Variants in UNC45A observed in about 807,000 individuals in gnomAD.
The protein encoded by UNC45A is unc-45 myosin chaperone A, also known as protein unc-45 homolog A.
UNC45A carries 78 observed loss-of-function variants against 103.2 expected under a neutral mutation model. The ratio of observed to expected loss-of-function variants is 0.76; its 90% CI spans 0.63 to 0.91. The LOEUF is 0.91. UNC45A is among the 40% of genes least tolerant of loss of function. The probability of loss-of-function intolerance (pLI) is 0.00; values close to 1 mark genes in which losing one functional copy is unlikely to be tolerated. For synonymous variants in UNC45A, 495 were observed against 504.6 expected (o/e 0.98, Z 0.25); for missense variants, 1,193 against 1,224.8 (o/e 0.97, Z 0.39).
At chr15:90,931,612 T>C (rs1290151230), upstream of UNC45A, 5 of 1,614,044 alleles carry the variant, frequency 3.1e-6, no homozygotes, top group South Asian at 5.5e-5. Flanking sequence ...GAATTAAGAA[T>C]GCCCAGGGTT....
rs548551634 is a variant in UNC45A, at chr15:90,950,523, C to A, written c.2211C>A (p.Leu737=). ...AGATCTATGAGGTGGTCCGGCCCCT[C>A]GTCTCCCTGTTGCACCTCAACTGCT... is the stretch of plus-strand genomic sequence containing the variant. ...GERIYEVVRP[L]VSLLHLNCSG... Residue 737 remains leucine, a synonymous_variant, in exon 17 of 20, where the codon CTC becomes CTA. Coordinates refer to ENST00000418476, the MANE Select transcript of UNC45A (RefSeq NM_018671.5). The A allele has an allele frequency of 6.2e-7, 1 of 1,613,976 alleles. No homozygotes were observed. Among genetic ancestry groups the A allele is most frequent in the Non-Finnish European group, 8.5e-7 (1 of 1,180,024 alleles).
intron 6 of UNC45A, among the ~76,000 whole-genome samples, chr15:90,941,756 G>A (rs1485397973): frequency 6.6e-6 from 1 of 151,966 alleles, no homozygotes; most frequent in Non-Finnish European, 1.5e-5. Context: ...TCAGGAGATT[G>A]AGACAATCCT....
In UNC45A at chr15:90,936,324, G is replaced by A. The variant is rs1484793037; in HGVS notation, c.290G>A (p.Arg97Gln). ...GGTGGGGATGTCAAAGCACTCTACC[G>A]GCGGAGCCAAGCCCTAGAGAAGCTG... ...KDGGDVKALY[R>Q]RSQALEKLGR... The change falls in exon 4 of 20, where the codon CGG (arginine) becomes CAG (glutamine). Residue 97 changes from arginine (R) to glutamine (Q), a missense_variant. Physicochemically the swap from Arg to Gln is conservative, Grantham distance 43. Transcript: ENST00000418476. 13 of 1,613,974 alleles carry A rather than the reference G, an allele frequency of 8.1e-6. No homozygotes were observed. The highest frequency in any genetic ancestry group is 1.6e-4 in the Middle Eastern group (1 of 6,084).
chr15:90,934,403 T>C, upstream of UNC45A: 1 of 399,068 alleles, frequency 2.5e-6, no homozygotes. Context: ...ACTACCCTGG[T>C]TTCTTTTGCC....
intron 14 of UNC45A, 25 bp downstream of exon 14, chr15:90,949,468 A>G (rs778011473): frequency 1.9e-6 from 3 of 1,612,168 alleles, no homozygotes; most frequent in Non-Finnish European, 2.5e-6. Context: ...GTAGGAGCCA[A>G]CCTTTCCCAA....
chr15:90,931,454 C>G, upstream of UNC45A: 3 of 1,613,668 alleles, frequency 1.9e-6, no homozygotes, highest in Non-Finnish European at 2.5e-6. Context: ...AAGGAAAGCA[C>G]TGCCTTTTCC....
chr15:90,942,932 G>T lies in UNC45A; in HGVS notation c.877G>T (p.Val293Phe), dbSNP rs1247057416. 1 of 1,611,098 alleles carries T rather than the reference G, an allele frequency of 6.2e-7. No individual in the cohort carries two copies. Among genetic ancestry groups the T allele is most frequent in the Non-Finnish European group, 8.5e-7 (1 of 1,177,934 alleles). ...GCCAGATCCTGCCCGGGAGCTGAAG[G>T]TCCTCATCAGTAACCTCTTAGATCT... ...IIVDPARELK[V>F]LISNLLDLLT... Residue 293 changes from valine (V) to phenylalanine (F), a missense_variant, in exon 8 of 20, where the codon GTC (valine) becomes TTC (phenylalanine). Transcript: ENST00000418476.
At chr15:90,949,910 G>A (rs1227340863) in intron 15 of UNC45A, 190 bp downstream of exon 15, 3 of 690,928 alleles carry the variant, frequency 4.3e-6, no homozygotes, top group Admixed American at 5.2e-5. Context: ...ACTGGTGCCT[G>A]TGAAGGTCCT....
upstream of UNC45A, chr15:90,931,464 C>A: frequency 1.4e-5 from 22 of 1,613,988 alleles, no homozygotes; most frequent in Non-Finnish European, 1.9e-5. Flanking sequence ...CTGCCTTTTC[C>A]CCACTTCCTG....
Position 90,953,765 on chromosome 15 carries a change from C to A in UNC45A, c.*49C>A, listed in dbSNP as rs746970755. 1.9e-6 allele frequency: 3 copies of A among 1,588,538 alleles called. No individual in the cohort carries two copies. The highest frequency in any genetic ancestry group is 2.6e-6 in the Non-Finnish European group (3 of 1,165,084). ...CTCATGCACACGCTACCTATTGTGGCACGGAGAGTAAGGACGGAAGCAGCT... is the reference window on the plus strand; with the variant it reads ...CTCATGCACACGCTACCTATTGTGGAACGGAGAGTAAGGACGGAAGCAGCT... On this transcript the variant is annotated 3_prime_UTR_variant, in exon 20 of 20. Transcript: ENST00000418476.
At chr15:90,946,362 C>G (rs922643652) in intron 9 of UNC45A, among the ~76,000 whole-genome samples, 1 of 151,948 alleles carries the variant, frequency 6.6e-6, no homozygotes, top group East Asian at 1.9e-4. Context: ...GAGCTTAAGT[C>G]CAGGAAGGGA....
At chr15:90,941,723 G>C (rs987193961) in intron 6 of UNC45A, among the ~76,000 whole-genome samples, 3 of 152,094 alleles carry the variant, frequency 2.0e-5, no homozygotes, top group Admixed American at 6.5e-5. Flanking sequence ...ACTTTGGAAG[G>C]CCGAGGCGGG....
chr15:90,934,866 G>A (rs1399350972), upstream of UNC45A: 2 of 422,104 alleles, frequency 4.7e-6, no homozygotes, highest in African/African-American at 4.1e-5. Flanking sequence ...GGACTCCCAG[G>A]GATTCTGTAC....
At position 90,935,305 on chromosome 15, in the gene UNC45A, C is replaced by T; in HGVS notation, c.-20C>T. On this transcript the variant is annotated 5_prime_UTR_variant, in exon 1 of 20. Coordinates refer to ENST00000418476, the MANE Select transcript of UNC45A (RefSeq NM_018671.5). The stretch of plus-strand genomic sequence containing the variant: ...GCCCCAGAGACTGCGCCTGCGCGGG[C>T]ACGAGACAACCTCTCCGCGATGACT... 1 of 1,597,852 alleles carries T rather than the reference C, an allele frequency of 6.3e-7. No homozygotes were observed. The highest frequency in any genetic ancestry group is 8.5e-7 in the Non-Finnish European group (1 of 1,174,638).
chr15:90,941,770 T>C (rs925757617), intron 6 of UNC45A, among the ~76,000 whole-genome samples: 1 of 151,870 alleles, frequency 6.6e-6, no homozygotes, highest in Non-Finnish European at 1.5e-5. Flanking sequence ...CAATCCTGGC[T>C]AACACGGTGA....
rs2037015335 is a variant in UNC45A at position 90,953,099 on chromosome 15, C to T, written c.2421+53C>T. On this transcript the variant is annotated intron_variant, in intron 18 of 19. Transcript: ENST00000418476. ...AGGCGGGGATGCAGAGGTACCTGTGCCCTGGCTGGGCTTTACACCCAACTG... is the reference window on the plus strand; with the variant it reads ...AGGCGGGGATGCAGAGGTACCTGTGTCCTGGCTGGGCTTTACACCCAACTG... 28 of 1,613,154 alleles carry T rather than the reference C, an allele frequency of 1.7e-5. 1 individual carries two copies. The South Asian group carries it at 2.3e-4, about 13-fold the overall frequency.
chr15:90,935,304 G>A lies in UNC45A; in HGVS notation c.-21G>A, dbSNP rs763639688. On this transcript the variant is annotated 5_prime_UTR_variant, in exon 1 of 20. Coordinates refer to ENST00000418476, the MANE Select transcript of UNC45A (RefSeq NM_018671.5). The stretch of plus-strand genomic sequence containing the variant: ...CGCCCCAGAGACTGCGCCTGCGCGG[G>A]CACGAGACAACCTCTCCGCGATGAC... 5.6e-6 allele frequency: 9 copies of A among 1,596,870 alleles called. No individual in the cohort carries two copies. The South Asian group carries it at 1.0e-4, about 18-fold the overall frequency.
rs1032705604 is a variant in UNC45A, at chr15:90,947,011, A to G, written c.1500+97A>G. ...TGTGGCCCCAGCACACTCCAGATGA[A>G]AATAAGGAATACTGTAATGCCAAAA... On this transcript the variant is annotated intron_variant, in intron 10 of 19. Transcript: ENST00000418476. The G allele has an allele frequency of 9.7e-6, 14 of 1,436,736 alleles. No individual in the cohort carries two copies. The Admixed American group carries it at 2.4e-4, about 24-fold the overall frequency. 89.0% of individuals were successfully genotyped at this position (1,436,736 alleles called of 1,614,324 possible).
intron 8 of UNC45A, among the ~76,000 whole-genome samples, chr15:90,944,317 G>T (rs1596226412): frequency 6.6e-6 from 1 of 152,110 alleles, no homozygotes; most frequent in East Asian, 1.9e-4. Context: ...AACTCAGGAG[G>T]CGGAGGCTGC....
Sources: allele counts gnomAD v4.1 joint callset (sites outside exome capture counted in the v4.1 genomes callset), GRCh38; gene constraint gnomAD v4.1.1; transcripts MANE v1.5; gene names NCBI Gene and HGNC (gene_info 2026-07-23, HGNC 2026-07-21).